CDC42BPA: variants seen among roughly 807,000 people sequenced by gnomAD.
CDC42BPA encodes serine/threonine-protein kinase MRCK alpha.
In CDC42BPA, 80 loss-of-function variants were observed where a neutral mutation model predicts 223.5. The observed-to-expected ratio is 0.36, with a 90% CI of 0.30 to 0.43. The LOEUF (loss-of-function observed/expected upper bound fraction) is 0.43, where lower values mean the gene tolerates loss of function less well. Among genes scored for constraint, CDC42BPA ranks in the 20% least tolerant of loss-of-function variants. The pLI is 1.00. For missense variants in CDC42BPA, 1,743 were observed against 2,099.9 expected (o/e 0.83, Z 3.32); for synonymous variants, 694 against 718.6 (o/e 0.97, Z 0.55).
chr1:227,232,940 T>C (rs1678296073), intron 2 of CDC42BPA, among the ~76,000 whole-genome samples: 1 of 152,188 alleles, frequency 6.6e-6, no homozygotes, highest in Admixed American at 6.5e-5. Context: ...CCTTCAAAGC[T>C]ACTCAAGCCT....
intron 32 of CDC42BPA, among the ~76,000 whole-genome samples, chr1:227,020,699 T>G (rs893275165): frequency 6.6e-6 from 1 of 152,228 alleles, no homozygotes; most frequent in Non-Finnish European, 1.5e-5. Flanking sequence ...GCAATAAGGT[T>G]GTTTCACTTT....
At chr1:227,278,866 GT>G (rs1558940917) in intron 1 of CDC42BPA, among the ~76,000 whole-genome samples, 1 of 152,100 alleles carries the variant, frequency 6.6e-6, no homozygotes, top group Non-Finnish European at 1.5e-5. Flanking sequence ...TTTTAGCACT[GT>G]TAAGGCATTA....
intron 2 of CDC42BPA, among the ~76,000 whole-genome samples, chr1:227,239,000 A>G (rs1323870499): frequency 6.6e-6 from 1 of 152,222 alleles, no homozygotes; most frequent in Non-Finnish European, 1.5e-5. Context: ...ATAAAACACA[A>G]CAAACAATAA....
chr1:227,166,798 C>T (rs569846583), intron 5 of CDC42BPA, among the ~76,000 whole-genome samples: 55 of 152,220 alleles, frequency 3.6e-4, no homozygotes, highest in Middle Eastern at 3.4e-3. Flanking sequence ...TGCTGACCAA[C>T]ATCTATCAAC....
intron 2 of CDC42BPA, among the ~76,000 whole-genome samples, chr1:227,228,551 AGTAGAATT>A (rs1269888688): frequency 6.6e-6 from 1 of 152,194 alleles, no homozygotes; most frequent in Non-Finnish European, 1.5e-5. Context: ...CACATGTCGG[AGTAGAATT>A]GCTGGATCAT....
At chr1:227,060,023 TTTTTTTG>T (rs1558401510) in intron 21 of CDC42BPA, among the ~76,000 whole-genome samples, 1 of 87,178 alleles carries the variant, frequency 1.1e-5, no homozygotes, top group African/African-American at 3.4e-5. Flanking sequence ...TCAAAAAGTT[TTTTTTTG>T]TTTTTTTTTT....
chr1:227,113,746 C>T (rs1419778504), intron 12 of CDC42BPA, among the ~76,000 whole-genome samples: 1 of 151,864 alleles, frequency 6.6e-6, no homozygotes, highest in Admixed American at 6.6e-5. Flanking sequence ...GGCACAGTTG[C>T]TCTCATCTAT....
At chr1:227,205,064 G>C (rs1311035784) in intron 3 of CDC42BPA, among the ~76,000 whole-genome samples, 2 of 152,048 alleles carry the variant, frequency 1.3e-5, no homozygotes, top group African/African-American at 4.8e-5. Flanking sequence ...TTCAAGACCA[G>C]CCTGGCCAAC....
At chr1:227,236,352 T>C (rs150538244) in intron 2 of CDC42BPA, among the ~76,000 whole-genome samples, 165 of 152,260 alleles carry the variant, frequency 1.1e-3, no homozygotes, top group African/African-American at 3.7e-3. Context: ...ATTAAAAGTT[T>C]CTCCCTTCAA....
At chr1:227,255,313 A>G (rs1244279931) in intron 1 of CDC42BPA, among the ~76,000 whole-genome samples, 1 of 152,182 alleles carries the variant, frequency 6.6e-6, no homozygotes, top group Non-Finnish European at 1.5e-5. Context: ...AGGGGAGTGA[A>G]ACAGATAGGT....
At chr1:227,184,812 G>T (rs139027739) in intron 5 of CDC42BPA, among the ~76,000 whole-genome samples, 13 of 152,216 alleles carry the variant, frequency 8.5e-5, no homozygotes, top group Non-Finnish European at 1.6e-4. Flanking sequence ...AATTTGGGAA[G>T]AACTGACATC....
chr1:227,241,944 A>G (rs992882936), intron 2 of CDC42BPA, among the ~76,000 whole-genome samples: 3 of 152,260 alleles, frequency 2.0e-5, no homozygotes, highest in Admixed American at 6.5e-5. Context: ...TTGAGAAAAA[A>G]CACTTTCCAA....
chr1:227,079,184 T>A (rs189730690), intron 17 of CDC42BPA, among the ~76,000 whole-genome samples: 1 of 152,174 alleles, frequency 6.6e-6, no homozygotes, highest in African/African-American at 2.4e-5. Flanking sequence ...ACTCCATTTC[T>A]AAATAAAAAG....
chr1:227,022,534 T>C (rs955008960), intron 32 of CDC42BPA, among the ~76,000 whole-genome samples: 17 of 152,330 alleles, frequency 1.1e-4, no homozygotes, highest in Non-Finnish European at 2.1e-4. Flanking sequence ...TTCTATTATA[T>C]AGAAATTTGC....
intron 21 of CDC42BPA, among the ~76,000 whole-genome samples, chr1:227,066,871 G>GGT (rs1042638248): frequency 4.6e-5 from 7 of 152,078 alleles, no homozygotes; most frequent in African/African-American, 1.4e-4. Context: ...GCAAATTTAG[G>GGT]GTGTAGAAAG....
intron 11 of CDC42BPA, among the ~76,000 whole-genome samples, chr1:227,125,082 T>C (rs910335418): frequency 1.1e-4 from 16 of 151,738 alleles, no homozygotes; most frequent in Admixed American, 3.9e-4. Flanking sequence ...TGACAACAGC[T>C]GTAAAGAGAA....
intron 5 of CDC42BPA, among the ~76,000 whole-genome samples, chr1:227,184,776 A>C (rs1164061334): frequency 6.6e-6 from 1 of 152,222 alleles, no homozygotes; most frequent in Non-Finnish European, 1.5e-5. Context: ...AAAAAAAATA[A>C]AGAATAAAGA....
At chr1:227,107,290 C>T (rs971426415) in intron 14 of CDC42BPA, among the ~76,000 whole-genome samples, 5 of 152,190 alleles carry the variant, frequency 3.3e-5, no homozygotes, top group Admixed American at 1.3e-4. Flanking sequence ...CCTTTAGATG[C>T]AATTGTTAAG....
chr1:227,236,414 A>G (rs1487842234), intron 2 of CDC42BPA, among the ~76,000 whole-genome samples: 1 of 152,158 alleles, frequency 6.6e-6, no homozygotes, highest in Non-Finnish European at 1.5e-5. Flanking sequence ...TCAATTTATG[A>G]TATAGGAATA....
Sources: allele counts gnomAD v4.1 joint callset (sites outside exome capture counted in the v4.1 genomes callset), GRCh38; gene constraint gnomAD v4.1.1; transcripts MANE v1.5; gene names NCBI Gene and HGNC (gene_info 2026-07-23, HGNC 2026-07-21).